KCNH1: variants seen among roughly 807,000 people sequenced by gnomAD.
The protein encoded by KCNH1 is potassium voltage-gated channel subfamily H member 1.
KCNH1 carries 27 observed loss-of-function variants against 69.2 expected under a neutral mutation model. That is an observed-to-expected ratio of 0.39 (90% CI 0.29 to 0.54). The LOEUF is 0.54. Ranked by LOEUF, KCNH1 falls within the 20% of genes least tolerant of loss-of-function variation. KCNH1 has a pLI of 0.68. For synonymous variants in KCNH1, 456 were observed against 487.7 expected (o/e 0.93, Z 0.86); for missense variants, 798 against 1,261.6 (o/e 0.63, Z 5.57).
rs575544410 is a variant in KCNH1, at chr1:210,965,082, T to C, written c.1033-45013A>G. Among the ~76,000 whole-genome samples, 2 of 152,312 alleles carry C rather than the reference T, an allele frequency of 1.3e-5. 1 individual carries two copies. Among genetic ancestry groups the C allele is most frequent in the African/African-American group, 4.8e-5 (2 of 41,574 alleles). ...GCTAAAAAACTGTCAGTCAACTAGGTATTGATGGAACATATCTCAAAATAA... is the reference window on the plus strand; with the variant it reads ...GCTAAAAAACTGTCAGTCAACTAGGCATTGATGGAACATATCTCAAAATAA... On this transcript the variant is annotated intron_variant, in intron 6 of 10. Coordinates refer to ENST00000271751, the MANE Select transcript of KCNH1 (RefSeq NM_172362.3).
intron 10 of KCNH1, among the ~76,000 whole-genome samples, chr1:210,734,227 AT>A (rs1682816185): frequency 1.3e-5 from 2 of 152,226 alleles, no homozygotes; most frequent in Admixed American, 6.5e-5. Flanking sequence ...AATTGATTTC[AT>A]GAAAGGATTT....
At position 210,902,018 on chromosome 1, in the gene KCNH1, A is replaced by T. The variant is rs1687006328; in HGVS notation, c.1462+17622T>A. 7.2e-5 allele frequency among the ~76,000 whole-genome samples: 11 copies of T among 152,284 alleles called. No homozygotes were observed. In the South Asian group the frequency reaches 2.3e-3, roughly 32 times the overall value. Reference sequence around the variant, plus strand: ...GTGCTAAAAGCTGGCCTCACTAAGGATGCTGGGCTACATGTGGGCAGCTCA... The same window carrying T: ...GTGCTAAAAGCTGGCCTCACTAAGGTTGCTGGGCTACATGTGGGCAGCTCA... On this transcript the variant is annotated intron_variant, in intron 7 of 10. Coordinates refer to ENST00000271751, the MANE Select transcript of KCNH1 (RefSeq NM_172362.3).
At chr1:210,781,248 C>T (rs1475624171) in intron 9 of KCNH1, among the ~76,000 whole-genome samples, 1 of 152,102 alleles carries the variant, frequency 6.6e-6, no homozygotes, top group Non-Finnish European at 1.5e-5. Flanking sequence ...GAAACATCAG[C>T]TTGTTGAGTG....
intron 1 of KCNH1, among the ~76,000 whole-genome samples, chr1:211,113,828 C>A (rs951862564): frequency 1.3e-5 from 2 of 152,038 alleles, no homozygotes; most frequent in African/African-American, 2.4e-5. Flanking sequence ...GTCAACCTAC[C>A]CAATCCTAGG....
intron 7 of KCNH1, among the ~76,000 whole-genome samples, chr1:210,821,019 T>C (rs140771965): frequency 8.1e-4 from 123 of 152,326 alleles, no homozygotes; most frequent in South Asian, 7.3e-3. Flanking sequence ...TATAGCGCAA[T>C]AGGAAACCAA....
chr1:210,779,109 G>C (rs59441822), intron 9 of KCNH1, among the ~76,000 whole-genome samples: 1 of 152,076 alleles, frequency 6.6e-6, no homozygotes, highest in African/African-American at 2.4e-5. Flanking sequence ...CCAATCACAG[G>C]TTTTGACAGA....
At chr1:211,070,494 C>T (rs984429804) in intron 5 of KCNH1, among the ~76,000 whole-genome samples, 21 of 149,206 alleles carry the variant, frequency 1.4e-4, no homozygotes, top group Admixed American at 4.0e-4. Context: ...ATTCAAACTG[C>T]AGAATATCTA....
intron 4 of KCNH1, among the ~76,000 whole-genome samples, chr1:211,089,448 T>TA (rs571890795): frequency 2.6e-4 from 39 of 152,314 alleles, no homozygotes; most frequent in Admixed American, 1.0e-3. Flanking sequence ...CAGACAGTTT[T>TA]AAAAAATAGG....
At chr1:210,842,517 C>A (rs1685432798) in intron 7 of KCNH1, among the ~76,000 whole-genome samples, 1 of 152,138 alleles carries the variant, frequency 6.6e-6, no homozygotes, top group African/African-American at 2.4e-5. Context: ...ATTCAACTGA[C>A]ATCTACTGAC....
At chr1:210,768,630 G>A (rs927762254) in intron 10 of KCNH1, among the ~76,000 whole-genome samples, 1 of 152,144 alleles carries the variant, frequency 6.6e-6, no homozygotes, top group Non-Finnish European at 1.5e-5. Flanking sequence ...CTTGTTCAAT[G>A]CCCACCCATC....
intron 5 of KCNH1, among the ~76,000 whole-genome samples, chr1:211,067,256 C>A (rs1166116235): frequency 1.3e-5 from 2 of 152,210 alleles, no homozygotes; most frequent in Non-Finnish European, 2.9e-5. Flanking sequence ...CTCAGAAGTG[C>A]ATCCCTCAGA....
intron 7 of KCNH1, among the ~76,000 whole-genome samples, chr1:210,812,915 G>T (rs967935910): frequency 6.6e-5 from 10 of 152,168 alleles, no homozygotes; most frequent in Non-Finnish European, 1.5e-4. Context: ...ATACTCTTCT[G>T]GGTTCAAATT....
Position 210,806,824 on chromosome 1 carries a change from A to ATATAT in KCNH1, c.1463-2659_1463-2658insATATA, listed in dbSNP as rs1387980426. Among the ~76,000 whole-genome samples, 60 of 44,928 alleles carry ATATAT rather than the reference A, an allele frequency of 1.3e-3. 3 individuals carry two copies. Among genetic ancestry groups the ATATAT allele is most frequent in the South Asian group, 0.011 (8 of 744 alleles). 29.5% of individuals were successfully genotyped at this position (44,928 alleles called of 152,430 possible). ...ATCTCTACCAAAAAAAAAAAAAAAAAAAAAAAAAAAAAATATATATATATA... is the reference window on the plus strand; with the variant it reads ...ATCTCTACCAAAAAAAAAAAAAAAAATATATAAAAAAAAAAAAATATATATATATA... On this transcript the variant is annotated intron_variant, in intron 7 of 10. Coordinates refer to ENST00000271751, the MANE Select transcript of KCNH1 (RefSeq NM_172362.3).
chr1:211,111,983 A>G (rs1691475645), intron 1 of KCNH1, among the ~76,000 whole-genome samples: 1 of 136,674 alleles, frequency 7.3e-6, no homozygotes, highest in South Asian at 2.6e-4. Flanking sequence ...GGAAGTGAGG[A>G]GCACCTCTGC....
rs1689540125 is a variant in KCNH1 at position 211,018,789 on chromosome 1, C to T, written c.1026G>A (p.Glu342=). ...DQIPPPLEGR[E]SQGISSLFSS... ...TGAGATTTGAGGGATGTACCTGACT[C>T]TCTCTCCCCTCCAGTGGTGGTGGAA... is the stretch of plus-strand genomic sequence containing the variant. The change falls in exon 6 of 11, where the codon GAG becomes GAA. Residue 342 remains glutamate (E), a synonymous_variant. Transcript: ENST00000271751. 3 of 1,602,094 alleles carry T rather than the reference C, an allele frequency of 1.9e-6. No individual in the cohort carries two copies. Among genetic ancestry groups the T allele is most frequent in the South Asian group, 2.3e-5 (2 of 88,786 alleles).
chr1:210,867,364 T>C (rs12564313), intron 7 of KCNH1, among the ~76,000 whole-genome samples: 3,454 of 67,646 alleles, frequency 0.051, 49 homozygotes, highest in African/African-American at 0.068. Context: ...CACACACACA[T>C]ATATATATAT....
chr1:210,797,361 G>A lies in KCNH1; in HGVS notation c.1915+147C>T, dbSNP rs116323432. On this transcript the variant is annotated intron_variant, in intron 9 of 10. Coordinates refer to ENST00000271751, the MANE Select transcript of KCNH1 (RefSeq NM_172362.3). ...GCTTTGTGCCAAACAGGCTCTCGCC[G>A]TTTGATTGTTGGATAGATAAGTGAA... 1.6e-3 allele frequency: 1,404 copies of A among 883,264 alleles called. 9 individuals carry two copies. The African/African-American group carries it at 0.02, about 13-fold the overall frequency. 54.7% of individuals were successfully genotyped at this position (883,264 alleles called of 1,614,324 possible). A position where few individuals can be genotyped will look rare whatever the true frequency, so the allele number is the denominator to read the frequency against.
Position 211,045,041 on chromosome 1 carries a change from G to GAT in KCNH1, c.559-25787_559-25786dup, listed in dbSNP as rs71134652. 3.7e-3 allele frequency among the ~76,000 whole-genome samples: 306 copies of GAT among 81,672 alleles called. 26 individuals carry two copies. The highest frequency in any genetic ancestry group is 9.2e-3 in the African/African-American group (217 of 23,592). The allele number at this position is 81,672 out of a possible 152,430, so 53.6% of individuals were successfully genotyped here. A position where few individuals can be genotyped will look rare whatever the true frequency, so the allele number is the denominator to read the frequency against. Reference sequence around the variant, plus strand: ...ATCAATGTGTGGATAAATTGTGGGGGATATATATATATATATATGAATAAT... The same window carrying GAT: ...ATCAATGTGTGGATAAATTGTGGGGGATATATATATATATATATATGAATAAT... On this transcript the variant is annotated intron_variant, in intron 5 of 10. Coordinates refer to ENST00000271751, the MANE Select transcript of KCNH1 (RefSeq NM_172362.3).
At chr1:210,926,306 G>GTCCAC (rs1368928109) in intron 6 of KCNH1, among the ~76,000 whole-genome samples, 11 of 151,860 alleles carry the variant, frequency 7.2e-5, no homozygotes, top group African/African-American at 2.7e-4. Context: ...GACCTTCCGA[G>GTCCAC]TCCACTCCAC....
Sources: gnomAD v4.1 joint callset for allele counts (sites outside exome capture counted in the v4.1 genomes callset) on GRCh38, gnomAD v4.1.1 for gene constraint, MANE v1.5 for transcripts, NCBI Gene and HGNC (gene_info 2026-07-23, HGNC 2026-07-21) for gene names.